ATP2C1: variants seen among roughly 807,000 people sequenced by gnomAD.
The protein encoded by ATP2C1 is ATPase secretory pathway Ca2+ transporting 1, also known as calcium-transporting ATPase type 2C member 1.
ATP2C1 carries 31 observed loss-of-function variants against 120.5 expected under a neutral mutation model. That is an observed-to-expected ratio of 0.26 (90% CI 0.19 to 0.35). The LOEUF (loss-of-function observed/expected upper bound fraction) is 0.35. Among genes scored for constraint, ATP2C1 ranks in the 10% least tolerant of loss-of-function variants. The pLI is 1.00. For synonymous variants in ATP2C1, 351 were observed against 358.7 expected (o/e 0.98, Z 0.24); for missense variants, 731 against 1,107.5 (o/e 0.66, Z 4.83).
upstream of ATP2C1, among the ~76,000 whole-genome samples, chr3:130,889,548 C>T (rs2069095843): frequency 6.6e-6 from 1 of 150,792 alleles, no homozygotes; most frequent in African/African-American, 2.4e-5. Flanking sequence ...TCGAGCATTT[C>T]TTACAACAAT....
chr3:130,866,081 G>A (rs990043700), intron 1 of ATP2C1, among the ~76,000 whole-genome samples: 1 of 152,048 alleles, frequency 6.6e-6, no homozygotes, highest in Non-Finnish European at 1.5e-5. Flanking sequence ...ATCCTTAAAT[G>A]TAAGCAGTGC....
chr3:130,946,123 T>A (rs538663963), intron 8 of ATP2C1, among the ~76,000 whole-genome samples: 2 of 152,308 alleles, frequency 1.3e-5, no homozygotes, highest in South Asian at 4.1e-4. Context: ...GTATCAGACT[T>A]CTTTCAGAGA....
chr3:130,882,800 C>A (rs1369209197), intron 1 of ATP2C1, among the ~76,000 whole-genome samples: 2 of 152,090 alleles, frequency 1.3e-5, no homozygotes, highest in Non-Finnish European at 2.9e-5. Context: ...ATCAGAGACA[C>A]CAGCCTGTAG....
rs1329760222 is a variant in ATP2C1, at chr3:130,979,310, C to G, written c.1632C>G (p.Ile544Met). ...TGACATTTCTTGGCTTGGTGGGAAT[C>G]ATTGATCCACCTAGAACTGGTGTGA... ...GQLTFLGLVG[I>M]IDPPRTGVKE... The change falls in exon 19 of 28, where the codon ATC (isoleucine) becomes ATG (methionine). Residue 544 changes from isoleucine (I) to methionine (M), a missense_variant. Transcript: ENST00000510168. 1.2e-6 allele frequency: 2 copies of G among 1,613,598 alleles called. No homozygotes were observed. Among genetic ancestry groups the G allele is most frequent in the Non-Finnish European group, 1.7e-6 (2 of 1,179,700 alleles).
At chr3:130,943,888 A>C (rs1461607982) in intron 8 of ATP2C1, among the ~76,000 whole-genome samples, 1 of 152,226 alleles carries the variant, frequency 6.6e-6, no homozygotes, top group Non-Finnish European at 1.5e-5. Flanking sequence ...TCTTCTGGAC[A>C]CAGAAGCTGC....
chr3:131,007,986 G>A (rs1009011937), downstream of ATP2C1, among the ~76,000 whole-genome samples: 9 of 152,296 alleles, frequency 5.9e-5, no homozygotes, highest in Non-Finnish European at 8.8e-5. Context: ...GTGTGGTTGC[G>A]TAATAGGATT....
intron 2 of ATP2C1, among the ~76,000 whole-genome samples, chr3:130,915,696 A>G (rs1248045632): frequency 6.6e-6 from 1 of 152,182 alleles, no homozygotes; most frequent in African/African-American, 2.4e-5. Flanking sequence ...AACACAAAAA[A>G]GCTCATAGAA....
intron 2 of ATP2C1, chr3:130,918,568 A>G: frequency 1.4e-6 from 1 of 736,996 alleles, no homozygotes; most frequent in Non-Finnish European, 2.6e-6. Flanking sequence ...TAAGTATGCC[A>G]GCGCCCTGGC....
intron 1 of ATP2C1, among the ~76,000 whole-genome samples, chr3:130,867,218 C>T (rs1296233770): frequency 6.6e-6 from 1 of 152,054 alleles, no homozygotes; most frequent in Non-Finnish European, 1.5e-5. Context: ...CAATAATAAC[C>T]CTACAATGGC....
At chr3:130,906,658 CTCTCCAACAT>C (rs2058136148) in intron 2 of ATP2C1, among the ~76,000 whole-genome samples, 1 of 149,602 alleles carries the variant, frequency 6.7e-6, no homozygotes, top group South Asian at 2.1e-4. Flanking sequence ...TCTCCACATC[CTCTCCAACAT>C]TTTGCTGTTT....
intron 1 of ATP2C1, among the ~76,000 whole-genome samples, chr3:130,879,689 T>G (rs181522834): frequency 4.6e-5 from 7 of 152,376 alleles, no homozygotes; most frequent in Admixed American, 3.3e-4. Context: ...ACAGTATCTT[T>G]CATAGAAAAA....
At chr3:130,919,117 A>C in intron 2 of ATP2C1, 2 of 370,916 alleles carry the variant, frequency 5.4e-6, no homozygotes, top group Non-Finnish European at 1.0e-5. Flanking sequence ...CCACGCAGGC[A>C]TTTTGAGTTG....
chr3:130,938,320 T>C (rs1443105366), intron 6 of ATP2C1, among the ~76,000 whole-genome samples: 1 of 152,222 alleles, frequency 6.6e-6, no homozygotes, highest in African/African-American at 2.4e-5. Context: ...AGCTAGAACA[T>C]GGTTAACAAG....
downstream of ATP2C1, among the ~76,000 whole-genome samples, chr3:131,003,652 C>G (rs1271612311): frequency 6.6e-6 from 1 of 152,076 alleles, no homozygotes; most frequent in Non-Finnish European, 1.5e-5. Context: ...CCATGAAACC[C>G]GAAGACCCTC....
At chr3:130,958,587 C>G (rs1168763150) in intron 11 of ATP2C1, among the ~76,000 whole-genome samples, 1 of 152,042 alleles carries the variant, frequency 6.6e-6, no homozygotes, top group Non-Finnish European at 1.5e-5. Context: ...CTTATTTTAT[C>G]AAACCTCTCG....
At chr3:130,854,289 C>T (rs1445487678) in intron 1 of ATP2C1, 1 of 152,152 alleles carries the variant, frequency 6.6e-6, no homozygotes, top group Non-Finnish European at 1.5e-5. Flanking sequence ...ATTTGTTAAC[C>T]TTTCTCTCAG....
rs371998630 is a variant in ATP2C1 at position 130,894,797 on chromosome 3, G to T, written c.6+22G>T. 2 of 1,609,476 alleles carry T rather than the reference G, an allele frequency of 1.2e-6. No individual in the cohort carries two copies. The highest frequency in any genetic ancestry group is 2.7e-5 in the African/African-American group (2 of 74,860). On this transcript the variant is annotated intron_variant, in intron 2 of 27. Coordinates refer to ENST00000510168, the MANE Select transcript of ATP2C1 (RefSeq NM_001378687.1). The surrounding 1 kb of genome is among the most constrained non-coding windows in gnomAD (Gnocchi z 4.5). Reference sequence around the variant, plus strand: ...GAAGGTAAAGGCCCCTGGCCGACCGGTTGCAACGCGGAGTTGAGGGTGTGG... The same window carrying T: ...GAAGGTAAAGGCCCCTGGCCGACCGTTTGCAACGCGGAGTTGAGGGTGTGG...
rs974688990 is a variant in ATP2C1 at position 130,894,248 on chromosome 3, A to G, written c.-270A>G. The G allele has an allele frequency of 6.1e-6, 6 of 981,288 alleles. No individual in the cohort carries two copies. Among genetic ancestry groups the G allele is most frequent in the Non-Finnish European group, 7.2e-6 (6 of 828,770 alleles). 60.8% of individuals were successfully genotyped at this position (981,288 alleles called of 1,614,324 possible). A position where few individuals can be genotyped will look rare whatever the true frequency, so the allele number is the denominator to read the frequency against. ...CGCCTCGCACCGCTGCCCCGCGAGC[A>G]GCTCCTCTTCTCCCGAGGCGCGCGG... On this transcript the variant is annotated 5_prime_UTR_variant, in exon 1 of 28. Transcript: ENST00000510168. The surrounding 1 kb of genome is among the most constrained non-coding windows in gnomAD (Gnocchi z 4.5).
intron 22 of ATP2C1, among the ~76,000 whole-genome samples, 159 bp downstream of exon 22, chr3:130,994,257 G>C (rs1324819602): frequency 1.3e-5 from 2 of 152,176 alleles, no homozygotes; most frequent in Non-Finnish European, 2.9e-5. Context: ...GTATGAAGAA[G>C]ATGATTTGTG....
Sources: gnomAD v4.1 joint callset for allele counts (sites outside exome capture counted in the v4.1 genomes callset) on GRCh38, gnomAD v4.1.1 for gene constraint, Gnocchi (gnomAD v3.1) non-coding constraint, MANE v1.5 for transcripts, NCBI Gene and HGNC (gene_info 2026-07-23, HGNC 2026-07-21) for gene names.